CNTNAP5: variants seen among roughly 807,000 people sequenced by gnomAD.
The protein encoded by CNTNAP5 is contactin-associated protein-like 5.
CNTNAP5 carries 72 observed loss-of-function variants against 150.2 expected under a neutral mutation model. The observed-to-expected ratio is 0.48, with a 90% CI of 0.40 to 0.58. The LOEUF (loss-of-function observed/expected upper bound fraction) is 0.58, where lower values mean the gene tolerates loss of function less well. CNTNAP5 is among the 20% of genes least tolerant of loss of function. CNTNAP5 has a pLI of 0.00. For synonymous variants in CNTNAP5, 672 were observed against 619.8 expected, an observed-to-expected ratio of 1.08 and a Z score of -1.25; for missense variants, 1,636 against 1,626.2, an observed-to-expected ratio of 1.01 and a Z score of -0.10.
At chr2:124,717,844 GACAGAT>G (rs1396253915) in intron 13 of CNTNAP5, among the ~76,000 whole-genome samples, 1 of 152,208 alleles carries the variant, frequency 6.6e-6, no homozygotes, top group African/African-American at 2.4e-5. Context: ...TTGTTTAACT[GACAGAT>G]ACAAACACAA....
At chr2:124,796,529 A>T (rs537114556) in intron 18 of CNTNAP5, among the ~76,000 whole-genome samples, 3 of 152,388 alleles carry the variant, frequency 2.0e-5, no homozygotes, top group African/African-American at 7.2e-5. Context: ...TGATAAATGC[A>T]AAACACTTTC....
intron 19 of CNTNAP5, among the ~76,000 whole-genome samples, chr2:124,804,851 C>T (rs1467583312): frequency 6.6e-6 from 1 of 152,172 alleles, no homozygotes; most frequent in African/African-American, 2.4e-5. Context: ...ATGCAAGTAA[C>T]TATGCTGTGT....
At chr2:124,515,662 G>A (rs1361261938) in intron 8 of CNTNAP5, among the ~76,000 whole-genome samples, 2 of 152,274 alleles carry the variant, frequency 1.3e-5, no homozygotes, top group African/African-American at 2.4e-5. Context: ...ACTTGGCCTT[G>A]GAAGATTGGG....
chr2:124,210,327 G>T (rs1378964499), intron 1 of CNTNAP5, among the ~76,000 whole-genome samples: 1 of 152,076 alleles, frequency 6.6e-6, no homozygotes, highest in Non-Finnish European at 1.5e-5. Context: ...CCTCTTTTCT[G>T]CATGATATAA....
intron 1 of CNTNAP5, among the ~76,000 whole-genome samples, chr2:124,140,110 A>C (rs1212329739): frequency 6.6e-6 from 1 of 151,744 alleles, no homozygotes; most frequent in East Asian, 2.0e-4. Context: ...CCACGAGACT[A>C]TATCCCACAC....
intron 1 of CNTNAP5, among the ~76,000 whole-genome samples, chr2:124,085,609 G>T (rs116920484): frequency 9.9e-5 from 15 of 151,994 alleles, no homozygotes; most frequent in African/African-American, 3.1e-4. Context: ...TTGGATGATT[G>T]ACTTGAACTC....
intron 3 of CNTNAP5, among the ~76,000 whole-genome samples, chr2:124,394,023 C>T (rs745730337): frequency 7.2e-4 from 110 of 152,224 alleles, no homozygotes; most frequent in African/African-American, 2.6e-3. Flanking sequence ...TCATCGTTTA[C>T]ACATTTCTAA....
At chr2:124,556,757 A>C (rs540345436) in intron 10 of CNTNAP5, among the ~76,000 whole-genome samples, 90 of 152,242 alleles carry the variant, frequency 5.9e-4, no homozygotes, top group African/African-American at 2.1e-3. Flanking sequence ...GAGCATCTTC[A>C]AGTTTCGGGA....
chr2:124,638,946 T>C (rs1678029692), intron 12 of CNTNAP5, among the ~76,000 whole-genome samples: 1 of 152,206 alleles, frequency 6.6e-6, no homozygotes, highest in Admixed American at 6.5e-5. Flanking sequence ...TTAATTTTTT[T>C]CCAATATTCC....
At chr2:124,516,349 T>C (rs1008850899) in intron 8 of CNTNAP5, among the ~76,000 whole-genome samples, 2 of 152,164 alleles carry the variant, frequency 1.3e-5, no homozygotes, top group Non-Finnish European at 2.9e-5. Flanking sequence ...CTTCGAATTG[T>C]TAAATAAGAG....
intron 19 of CNTNAP5, among the ~76,000 whole-genome samples, chr2:124,845,187 A>G (rs924116236): frequency 6.6e-6 from 1 of 152,010 alleles, no homozygotes; most frequent in African/African-American, 2.4e-5. Flanking sequence ...TTAATCATAA[A>G]GTGATACTGG....
intron 3 of CNTNAP5, among the ~76,000 whole-genome samples, chr2:124,345,992 T>A (rs1380843565): frequency 1.3e-5 from 2 of 152,222 alleles, no homozygotes; most frequent in Non-Finnish European, 2.9e-5. Context: ...TGTTTTTTAA[T>A]CAACAGTTGG....
intron 4 of CNTNAP5, among the ~76,000 whole-genome samples, chr2:124,425,546 C>G (rs1269814345): frequency 6.6e-6 from 1 of 152,146 alleles, no homozygotes; most frequent in Non-Finnish European, 1.5e-5. Context: ...GCTAACCTGT[C>G]TATACCTTAG....
At chr2:124,318,891 T>C (rs1438904284) in intron 3 of CNTNAP5, among the ~76,000 whole-genome samples, 1 of 152,178 alleles carries the variant, frequency 6.6e-6, no homozygotes, top group African/African-American at 2.4e-5. Flanking sequence ...ACTGGGTCCT[T>C]GTGTTGTCAT....
intron 1 of CNTNAP5, among the ~76,000 whole-genome samples, chr2:124,046,450 CAG>C (rs1681541235): frequency 1.1e-5 from 1 of 93,670 alleles, no homozygotes; most frequent in Non-Finnish European, 2.3e-5. Context: ...AAAAAAAAAA[CAG>C]AGAATAACAG....
intron 1 of CNTNAP5, among the ~76,000 whole-genome samples, chr2:124,175,818 C>T (rs887195067): frequency 3.3e-5 from 5 of 152,134 alleles, no homozygotes; most frequent in African/African-American, 1.2e-4. Flanking sequence ...ACATTTGTAA[C>T]ACATTTTCTT....
chr2:124,680,070 C>T (rs868422383), intron 13 of CNTNAP5, among the ~76,000 whole-genome samples: 1 of 151,716 alleles, frequency 6.6e-6, no homozygotes, highest in Non-Finnish European at 1.5e-5. Context: ...TATAACCTGA[C>T]CCTCAAATGA....
chr2:124,904,708 A>C (rs572159648), intron 22 of CNTNAP5, among the ~76,000 whole-genome samples: 2 of 152,252 alleles, frequency 1.3e-5, no homozygotes, highest in East Asian at 3.9e-4. Flanking sequence ...TTTATCTTAT[A>C]CCATATAAAA....
intron 1 of CNTNAP5, among the ~76,000 whole-genome samples, chr2:124,078,890 G>A (rs1160912752): frequency 6.6e-6 from 1 of 152,188 alleles, no homozygotes; most frequent in Non-Finnish European, 1.5e-5. Context: ...AGTTGTGTGG[G>A]ACCTCTGTGA....
Sources: gnomAD v4.1 joint callset for allele counts (sites outside exome capture counted in the v4.1 genomes callset) on GRCh38, gnomAD v4.1.1 for gene constraint, MANE v1.5 for transcripts, NCBI Gene and HGNC (gene_info 2026-07-23, HGNC 2026-07-21) for gene names.